Variants in KIF1A observed in about 807,000 individuals in gnomAD.
KIF1A encodes kinesin family member 1A, also known as kinesin-like protein KIF1A.
A neutral mutation model predicts 227.3 loss-of-function variants in KIF1A; 46 were observed. The ratio of observed to expected loss-of-function variants is 0.20; its 90% CI spans 0.16 to 0.26. KIF1A has a LOEUF of 0.26. KIF1A is among the 10% of genes least tolerant of loss of function. The pLI is 1.00. For missense variants in KIF1A, 1,683 were observed against 2,485.9 expected, an observed-to-expected ratio of 0.68 and a Z score of 6.87; for synonymous variants, 1,022 against 1,012.8, an observed-to-expected ratio of 1.01 and a Z score of -0.17.
At chr2:240,748,712 C>A in intron 28 of KIF1A, 1 of 290,800 alleles carries the variant, frequency 3.4e-6, no homozygotes, top group Non-Finnish European at 7.4e-6. Context: ...ACCCTCACTC[C>A]CCAGCTGGGC....
Position 240,740,203 on chromosome 2 carries a change from A to AG in KIF1A, c.3817-62dup, listed in dbSNP as rs909328443. On this transcript the variant is annotated intron_variant, in intron 36 of 48. Transcript: ENST00000498729. This position sits in a 1 kb window ranked among gnomAD's most constrained non-coding sequence, Gnocchi z 6.1. ...CTCAGGGGGCTACGTAGGGTGAGGG[A>AG]GGGGGACACAGGCAGGGTAGGGGCA... The AG allele has an allele frequency of 1.8e-5, 26 of 1,470,828 alleles. No individual in the cohort carries two copies. The highest frequency in any genetic ancestry group is 1.2e-4 in the African/African-American group (8 of 67,252). 91.1% of individuals were successfully genotyped at this position (1,470,828 alleles called of 1,614,324 possible).
intron 34 of KIF1A, among the ~76,000 whole-genome samples, 198 bp from the exon 35 acceptor site, chr2:240,741,575 CGTCA>C (rs2047976465): frequency 6.6e-6 from 1 of 152,254 alleles, no homozygotes; most frequent in African/African-American, 2.4e-5. Context: ...GGCCTTAGCA[CGTCA>C]CATGGACGCT....
intron 38 of KIF1A, among the ~76,000 whole-genome samples, chr2:240,732,008 G>A (rs1472723605): frequency 8.3e-6 from 1 of 120,636 alleles, no homozygotes; most frequent in Non-Finnish European, 1.8e-5. Flanking sequence ...AGGGGATGAC[G>A]GGAGGAGGGA....
At chr2:240,800,793 T>C (rs529573102) in intron 1 of KIF1A, among the ~76,000 whole-genome samples, 4 of 152,200 alleles carry the variant, frequency 2.6e-5, no homozygotes, top group Admixed American at 6.5e-5. Flanking sequence ...AAGATTTGAG[T>C]TCAGGGTCCT....
At chr2:240,812,937 G>GGGATCCGCCTTCACCTCAA in intron 1 of KIF1A, among the ~76,000 whole-genome samples, 1 of 82,264 alleles carries the variant, frequency 1.2e-5, no homozygotes, top group Non-Finnish European at 2.6e-5. Flanking sequence ...CTTCACCTCG[G>GGGATCCGCCTTCACCTCAA]GGATCCGCCT....
At chr2:240,762,645 G>A (rs977373793) in intron 23 of KIF1A, 74 bp downstream of exon 23, 18 of 1,425,582 alleles carry the variant, frequency 1.3e-5, no homozygotes, top group Non-Finnish European at 1.6e-5. Flanking sequence ...GACCTCCAGG[G>A]AGAGGCCCAG....
chr2:240,725,438 G>C lies in KIF1A; in HGVS notation c.4123-34C>G. The C allele has an allele frequency of 6.2e-7, 1 of 1,606,488 alleles. No individual in the cohort carries two copies. Among genetic ancestry groups the C allele is most frequent in the Non-Finnish European group, 8.5e-7 (1 of 1,176,078 alleles). ...GGCGGGAGCAGGACTCAGGCACAAG[G>C]ACACCCCGAGTGCCCAGGTGCCCTT... On this transcript the variant is annotated intron_variant, in intron 39 of 48. Coordinates refer to ENST00000498729, the MANE Select transcript of KIF1A (RefSeq NM_001244008.2). The surrounding 1 kb of genome is among the most constrained non-coding windows in gnomAD (Gnocchi z 5.8).
At chr2:240,816,949 C>T (rs981295445) in intron 1 of KIF1A, among the ~76,000 whole-genome samples, 6 of 152,214 alleles carry the variant, frequency 3.9e-5, no homozygotes, top group Admixed American at 2.6e-4. Context: ...TCTTGAGGCC[C>T]TGGGGGTGGG....
intron 1 of KIF1A, among the ~76,000 whole-genome samples, chr2:240,819,395 G>C (rs1460274471): frequency 1.3e-5 from 2 of 152,106 alleles, no homozygotes; most frequent in Admixed American, 1.3e-4. Flanking sequence ...GCTCGCCGGC[G>C]GCCCCTCCCA....
At chr2:240,808,492 T>C (rs1048561309) in intron 1 of KIF1A, among the ~76,000 whole-genome samples, 14 of 115,500 alleles carry the variant, frequency 1.2e-4, no homozygotes, top group African/African-American at 4.4e-4. Context: ...GACCCATTTC[T>C]AAAACAAAAA....
In KIF1A at chr2:240,815,412, G is replaced by A. The variant is rs541783006; in HGVS notation, c.-61+4710C>T. On this transcript the variant is annotated intron_variant, in intron 1 of 48. Coordinates refer to ENST00000498729, the MANE Select transcript of KIF1A (RefSeq NM_001244008.2). ...AGGGGCCCTGCAGGAGCAGTCCGGG[G>A]CCATGCCTGTCCCTAGAGCTGCATT... Among the ~76,000 whole-genome samples, 3 of 152,270 alleles carry A rather than the reference G, an allele frequency of 2.0e-5. No individual in the cohort carries two copies. In the East Asian group the frequency reaches 5.8e-4, roughly 29 times the overall value.
chr2:240,791,694 C>T (rs1191328224), intron 2 of KIF1A, among the ~76,000 whole-genome samples: 1 of 152,226 alleles, frequency 6.6e-6, no homozygotes, highest in Non-Finnish European at 1.5e-5. Flanking sequence ...CCATGAGCTC[C>T]ATGAGGTGGG....
intron 28 of KIF1A, among the ~76,000 whole-genome samples, chr2:240,749,848 G>A (rs1430628514): frequency 6.6e-6 from 1 of 152,234 alleles, no homozygotes; most frequent in African/African-American, 2.4e-5. Context: ...CCAGTGTGGA[G>A]GGGGACAGGC....
intron 10 of KIF1A, chr2:240,781,980 A>G: frequency 1.0e-6 from 1 of 985,358 alleles, no homozygotes; most frequent in Non-Finnish European, 1.2e-6. Context: ...TGCGTTTCCC[A>G]GTGAGCACCT....
rs369820610 is a variant in KIF1A at position 240,762,722 on chromosome 2, C to T, written c.2113G>A (p.Glu705Lys). The T allele has an allele frequency of 6.3e-7, 1 of 1,589,184 alleles. No individual in the cohort carries two copies. Among genetic ancestry groups the T allele is most frequent in the Non-Finnish European group, 8.6e-7 (1 of 1,161,942 alleles). ...VNEEEEEPED[E>K]VQWTERECEL... is the part of the protein sequence containing the mutation. ...TGCTGGCCCAGTGACCCCTCACCTT[C>T]ATCCTCGGGCTCCTCCTCCTCCTCG... The change falls in exon 23 of 49, where the codon GAA (glutamate) becomes AAA (lysine). Residue 705 changes from glutamate to lysine, a missense_variant. Physicochemically the swap from Glu to Lys is moderately conservative, Grantham distance 56. Transcript: ENST00000498729.
chr2:240,817,717 G>T (rs952341579), intron 1 of KIF1A, among the ~76,000 whole-genome samples: 2 of 152,126 alleles, frequency 1.3e-5, no homozygotes, highest in East Asian at 3.9e-4. Context: ...TGCTTTGGCC[G>T]GCCCGGCTGA....
chr2:240,761,769 G>C (rs550906281), intron 23 of KIF1A, among the ~76,000 whole-genome samples: 1 of 152,216 alleles, frequency 6.6e-6, no homozygotes, highest in East Asian at 1.9e-4. Context: ...AGGCCGCCAC[G>C]AGCAGCCTTG....
Position 240,745,779 on chromosome 2 carries a change from G to A in KIF1A, c.3333C>T (p.Ser1111=), listed in dbSNP as rs759578392. 9 of 1,612,916 alleles carry A rather than the reference G, an allele frequency of 5.6e-6. No individual in the cohort carries two copies. In the South Asian group the frequency reaches 9.9e-5, roughly 18 times the overall value. The part of the protein sequence containing the change: ...FTFRVTVLQA[S]SISAEYADIF... ...TGTCGGCATATTCGGCAGAGATGCT[G>A]GACGCCTGCAGGACTGTCACACGGA... The change falls in exon 31 of 49, where the codon TCC becomes TCT. Residue 1111 remains serine (S), a synonymous_variant. Transcript: ENST00000498729.
intron 38 of KIF1A, among the ~76,000 whole-genome samples, chr2:240,727,537 G>A (rs975956634): frequency 2.6e-5 from 4 of 152,250 alleles, no homozygotes; most frequent in Non-Finnish European, 5.9e-5. Context: ...ATTGGGAAGA[G>A]GAAGGCCCCG....
Sources: gnomAD v4.1 joint callset for allele counts (sites outside exome capture counted in the v4.1 genomes callset) on GRCh38, gnomAD v4.1.1 for gene constraint, Gnocchi (gnomAD v3.1) non-coding constraint, MANE v1.5 for transcripts, NCBI Gene and HGNC (gene_info 2026-07-23, HGNC 2026-07-21) for gene names.